The following ATP13A4 variants were observed in gnomAD, a reference collection of about 807,000 sequenced individuals.
ATP13A4 encodes ATPase 13A4, also known as probable cation-transporting ATPase 13A4.
Under a neutral mutation model 142.5 loss-of-function variants are expected in ATP13A4, and 114 were observed. The observed-to-expected ratio is 0.80, with a 90% CI of 0.69 to 0.93. ATP13A4 has a LOEUF of 0.93. ATP13A4 is among the 40% of genes least tolerant of loss of function. The pLI is 0.00. For missense variants in ATP13A4, 1,392 were observed against 1,454.0 expected (o/e 0.96, Z 0.69); for synonymous variants, 488 against 514.8 (o/e 0.95, Z 0.70).
intron 18 of ATP13A4, 103 bp from the exon 19 acceptor site, chr3:193,442,659 A>T: frequency 8.8e-7 from 1 of 1,131,602 alleles, no homozygotes; most frequent in Non-Finnish European, 1.3e-6. Context: ...TATTTCAGGT[A>T]TGAAGAGAAA....
At chr3:193,468,377 A>T (rs1374224330) in intron 9 of ATP13A4, among the ~76,000 whole-genome samples, 2 of 152,210 alleles carry the variant, frequency 1.3e-5, no homozygotes, top group African/African-American at 2.4e-5. Flanking sequence ...AAATAATCAC[A>T]GGAATCCCAG....
chr3:193,484,826 A>G (rs1055786240), intron 7 of ATP13A4, among the ~76,000 whole-genome samples: 1 of 152,242 alleles, frequency 6.6e-6, no homozygotes, highest in Non-Finnish European at 1.5e-5. Flanking sequence ...TGCTGAGAAA[A>G]GTAGGTTTTA....
chr3:193,492,372 T>C (rs775571103), intron 5 of ATP13A4, among the ~76,000 whole-genome samples: 62 of 152,196 alleles, frequency 4.1e-4, no homozygotes, highest in Non-Finnish European at 7.3e-4. Flanking sequence ...CCACAGACTC[T>C]TGACATACCA....
intron 2 of ATP13A4, among the ~76,000 whole-genome samples, chr3:193,575,640 C>A (rs1481036199): frequency 6.6e-6 from 1 of 152,196 alleles, no homozygotes; most frequent in African/African-American, 2.4e-5. Context: ...AGGAAAATCT[C>A]TATTAGATTA....
intron 1 of ATP13A4, among the ~76,000 whole-genome samples, chr3:193,551,825 C>T (rs1723588053): frequency 1.3e-5 from 2 of 152,220 alleles, no homozygotes; most frequent in Non-Finnish European, 2.9e-5. Context: ...GCCACTTTCT[C>T]ACCTTTCCTT....
rs368106339 is a variant in ATP13A4, at chr3:193,575,916, A to G, written n.291+5791T>C. Among the ~76,000 whole-genome samples, 17 of 152,292 alleles carry G rather than the reference A, an allele frequency of 1.1e-4. No individual in the cohort carries two copies. In the South Asian group the frequency reaches 1.2e-3, roughly 11 times the overall value. ...CAACCAGAAGTGATTTTGTCCCCCA[A>G]GGAATACCTGGTAATTTCCTAAGGC... On this transcript the variant is annotated intron_variant and non_coding_transcript_variant, in intron 2 of 3. Coordinates refer to the ATP13A4 transcript ENST00000489140.
chr3:193,554,988 A>C (rs1723828404), upstream of ATP13A4: 1 of 1,444,642 alleles, frequency 6.9e-7, no homozygotes, highest in African/African-American at 1.4e-5. Context: ...AACTCCTCCC[A>C]CGAGTCGCCC....
At chr3:193,491,987 T>A (rs1719969819) in intron 5 of ATP13A4, among the ~76,000 whole-genome samples, 2 of 152,172 alleles carry the variant, frequency 1.3e-5, no homozygotes, top group Admixed American at 1.3e-4. Flanking sequence ...ATTTTATGAG[T>A]TATGTTACTG....
In ATP13A4 at chr3:193,437,106, A is replaced by AAAAAAC. The variant is rs1716330571; in HGVS notation, c.2673-1363_2673-1362insGTTTTT. Among the ~76,000 whole-genome samples, 3 of 139,784 alleles carry AAAAAAC rather than the reference A, an allele frequency of 2.1e-5. No individual in the cohort carries two copies. In the East Asian group the frequency reaches 5.9e-4, roughly 28 times the overall value. The allele number at this position is 139,784 out of a possible 152,430, so 91.7% of individuals were successfully genotyped here. A position where few individuals can be genotyped will look rare whatever the true frequency, so the allele number is the denominator to read the frequency against. ...GCGACAGAGTGAGACTCCGTCTCAA[A>AAAAAAC]AAAAAAAAAAAAAAAACCTGATCCT... is the stretch of plus-strand genomic sequence containing the variant. On this transcript the variant is annotated intron_variant, in intron 23 of 29. Transcript: ENST00000342695.
intron 1 of ATP13A4, among the ~76,000 whole-genome samples, chr3:193,516,731 A>G (rs1721436111): frequency 6.6e-6 from 1 of 152,128 alleles, no homozygotes; most frequent in Non-Finnish European, 1.5e-5. Context: ...CCCCCATGTA[A>G]TATGCCTGAG....
chr3:193,525,958 C>T (rs1285341789), intron 1 of ATP13A4, among the ~76,000 whole-genome samples: 1 of 152,148 alleles, frequency 6.6e-6, no homozygotes, highest in East Asian at 1.9e-4. Context: ...TCCCACCCTT[C>T]TTAGTATGAG....
chr3:193,519,706 G>A (rs541223209), intron 1 of ATP13A4, among the ~76,000 whole-genome samples: 5 of 129,530 alleles, frequency 3.9e-5, no homozygotes, highest in South Asian at 5.3e-4. Flanking sequence ...GTGCAGTGGC[G>A]CAATCTCGGC....
intron 28 of ATP13A4, 72 bp from the exon 29 acceptor site, chr3:193,407,465 G>T: frequency 8.3e-7 from 1 of 1,209,010 alleles, no homozygotes; most frequent in Non-Finnish European, 1.2e-6. Context: ...CATGTTCACA[G>T]CATATATTTT....
At position 193,470,888 on chromosome 3, in the gene ATP13A4, C is replaced by G; in HGVS notation, c.914G>C (p.Ser305Thr). 1 of 1,614,116 alleles carries G rather than the reference C, an allele frequency of 6.2e-7. No individual in the cohort carries two copies. The highest frequency in any genetic ancestry group is 8.5e-7 in the Non-Finnish European group (1 of 1,180,046). ...CAGCATGCCTTCATCCACCACACAG[C>G]TGCCTTCAATCAGAACGGCATCACA... Reference protein sequence around the residue: ...MPCDAVLIEGSCVVDEGMLTG... With the variant: ...MPCDAVLIEGTCVVDEGMLTG... The change falls in exon 9 of 30, where the codon AGC (serine) becomes ACC (threonine). Residue 305 changes from serine to threonine, a missense_variant. Coordinates refer to ENST00000342695, the MANE Select transcript of ATP13A4 (RefSeq NM_032279.4).
chr3:193,486,221 T>C (rs1451347894), intron 7 of ATP13A4, among the ~76,000 whole-genome samples: 1 of 152,048 alleles, frequency 6.6e-6, no homozygotes, highest in Admixed American at 6.6e-5. Flanking sequence ...ACTAAAAAGT[T>C]TGTGAACCTC....
In ATP13A4 at chr3:193,466,179, A is replaced by G. The variant is rs759253380; in HGVS notation, c.1118T>C (p.Phe373Ser). The G allele has an allele frequency of 9.3e-6, 15 of 1,613,702 alleles. No individual in the cohort carries two copies. The South Asian group carries it at 1.6e-4, about 18-fold the overall frequency. Residue 373 changes from phenylalanine (F) to serine (S), a missense_variant, in exon 11 of 30, where the codon TTC (phenylalanine) becomes TCC (serine). Physicochemically the swap from Phe to Ser is radical, Grantham distance 155. Transcript: ENST00000342695. ...CACAAGGTCTCCCTTTGCAGTGTTGAATCCTGGAACAACAAACACACACCC... is the reference window on the plus strand; with the variant it reads ...CACAAGGTCTCCCTTTGCAGTGTTGGATCCTGGAACAACAAACACACACCC... The part of the protein sequence containing the change: ...TVRAVVLQTG[F>S]NTAKGDLVRS...
chr3:193,424,712 T>C lies in ATP13A4; in HGVS notation c.2842+9133A>G, dbSNP rs1168814750. ...AACTTAAATGTAAAACTCGAAACTA[T>C]AAAACTGCTAAACAAAAACATATGA... On this transcript the variant is annotated intron_variant, in intron 25 of 29. Coordinates refer to ENST00000342695, the MANE Select transcript of ATP13A4 (RefSeq NM_032279.4). Among the ~76,000 whole-genome samples, 5 of 149,592 alleles carry C rather than the reference T, an allele frequency of 3.3e-5. 1 individual carries two copies. The highest frequency in any genetic ancestry group is 1.2e-4 in the African/African-American group (5 of 40,838).
At chr3:193,529,692 G>GT (rs1157151085) in intron 1 of ATP13A4, among the ~76,000 whole-genome samples, 4 of 151,994 alleles carry the variant, frequency 2.6e-5, no homozygotes, top group African/African-American at 7.3e-5. Context: ...TTATTCATTT[G>GT]TTTTTTTAGG....
intron 26 of ATP13A4, 142 bp from the exon 27 acceptor site, chr3:193,412,513 A>T (rs1714823295): frequency 2.6e-6 from 1 of 388,312 alleles, no homozygotes; most frequent in African/African-American, 3.3e-5. Context: ...GAAAACACAC[A>T]CACACACACA....
Sources: allele counts gnomAD v4.1 joint callset (sites outside exome capture counted in the v4.1 genomes callset), GRCh38; gene constraint gnomAD v4.1.1; transcripts MANE v1.5; gene names NCBI Gene and HGNC (gene_info 2026-07-23, HGNC 2026-07-21).